The following JAZF1 variants were observed in gnomAD, a reference collection of about 807,000 sequenced individuals.
The protein encoded by JAZF1 is JAZF zinc finger 1.
JAZF1 carries 8 observed loss-of-function variants against 26.4 expected under a neutral mutation model. The observed-to-expected ratio is 0.30, with a 90% confidence interval of 0.18 to 0.55. JAZF1 has a LOEUF of 0.55. Ranked by LOEUF, JAZF1 falls within the 20% of genes least tolerant of loss-of-function variation. The pLI is 0.94. For missense variants in JAZF1, 199 were observed against 322.0 expected, an observed-to-expected ratio of 0.62 and a Z score of 2.92; for synonymous variants, 126 against 122.3, an observed-to-expected ratio of 1.03 and a Z score of -0.20.
chr7:27,943,908 A>G (rs1380568909), intron 2 of JAZF1, among the ~76,000 whole-genome samples: 1 of 152,214 alleles, frequency 6.6e-6, no homozygotes, highest in African/African-American at 2.4e-5. Context: ...CTGGGAATAA[A>G]GCCTTGTGGG....
intron 2 of JAZF1, among the ~76,000 whole-genome samples, chr7:27,940,417 T>G (rs112499297): frequency 0.026 from 3,927 of 152,186 alleles, 185 homozygotes; most frequent in African/African-American, 0.088. Flanking sequence ...CTCAGTGTAA[T>G]GCATCTTATT....
intron 2 of JAZF1, among the ~76,000 whole-genome samples, chr7:27,926,393 C>T (rs1321903620): frequency 6.6e-6 from 1 of 152,210 alleles, no homozygotes; most frequent in Non-Finnish European, 1.5e-5. Context: ...CATTCAGGTC[C>T]TGGCTCGCAC....
intron 2 of JAZF1, among the ~76,000 whole-genome samples, chr7:27,981,085 A>C (rs1479274781): frequency 1.3e-5 from 2 of 152,202 alleles, no homozygotes; most frequent in Non-Finnish European, 2.9e-5. Flanking sequence ...CCTTCCACTC[A>C]ATCTTTCTCT....
At chr7:27,918,655 T>C (rs1784481283) in intron 2 of JAZF1, among the ~76,000 whole-genome samples, 1 of 152,178 alleles carries the variant, frequency 6.6e-6, no homozygotes, top group Non-Finnish European at 1.5e-5. Flanking sequence ...ATACAGAAAA[T>C]TTGAGAGCAG....
chr7:28,101,018 G>A (rs988634390), intron 1 of JAZF1, among the ~76,000 whole-genome samples: 4 of 152,144 alleles, frequency 2.6e-5, no homozygotes, highest in African/African-American at 9.7e-5. Flanking sequence ...TGTCATCTAA[G>A]CACCTAAAAA....
intron 2 of JAZF1, among the ~76,000 whole-genome samples, chr7:27,928,596 C>A (rs1784634133): frequency 6.6e-6 from 1 of 152,072 alleles, no homozygotes; most frequent in Non-Finnish European, 1.5e-5. Flanking sequence ...GTGCAAGTAC[C>A]CTTCTTAAAC....
intron 3 of JAZF1, among the ~76,000 whole-genome samples, chr7:27,874,333 G>C (rs1277731898): frequency 6.6e-6 from 1 of 152,192 alleles, no homozygotes; most frequent in Non-Finnish European, 1.5e-5. Flanking sequence ...TGGAAAATAA[G>C]TCTGGACAGT....
chr7:27,845,307 G>T (rs776385174), intron 3 of JAZF1, among the ~76,000 whole-genome samples: 1 of 152,180 alleles, frequency 6.6e-6, no homozygotes, highest in Non-Finnish European at 1.5e-5. Flanking sequence ...AGCAAGCTCT[G>T]CTGGGGAACT....
At chr7:28,015,757 G>A (rs898877407) in intron 1 of JAZF1, among the ~76,000 whole-genome samples, 6 of 152,142 alleles carry the variant, frequency 3.9e-5, no homozygotes, top group South Asian at 2.1e-4. Context: ...ACACACCCTC[G>A]TCCCAGCAGA....
intron 3 of JAZF1, among the ~76,000 whole-genome samples, chr7:27,866,787 G>A (rs1046220714): frequency 1.3e-5 from 2 of 152,232 alleles, no homozygotes; most frequent in African/African-American, 4.8e-5. Flanking sequence ...AACATAATGT[G>A]CTGATTTAGG....
chr7:27,892,303 C>A (rs577083011), intron 3 of JAZF1, among the ~76,000 whole-genome samples: 14 of 152,326 alleles, frequency 9.2e-5, no homozygotes, highest in Admixed American at 9.1e-4. Context: ...AATGATACAT[C>A]TTTACCACAA....
At chr7:27,856,413 G>C (rs984366336) in intron 3 of JAZF1, among the ~76,000 whole-genome samples, 1 of 152,210 alleles carries the variant, frequency 6.6e-6, no homozygotes, top group Non-Finnish European at 1.5e-5. Context: ...TTATTGCAAA[G>C]AGCGAAAGAA....
At chr7:27,955,883 C>T (rs1785080437) in intron 2 of JAZF1, among the ~76,000 whole-genome samples, 1 of 152,202 alleles carries the variant, frequency 6.6e-6, no homozygotes, top group Non-Finnish European at 1.5e-5. Context: ...TGAATCTGCA[C>T]TGTGAGTCTT....
At chr7:27,953,425 A>C (rs1034563300) in intron 2 of JAZF1, among the ~76,000 whole-genome samples, 10 of 152,272 alleles carry the variant, frequency 6.6e-5, no homozygotes, top group African/African-American at 2.2e-4. Context: ...AATGTGCCAT[A>C]TTAGTTACCA....
intron 3 of JAZF1, among the ~76,000 whole-genome samples, chr7:27,881,589 A>G (rs1023471517): frequency 6.6e-6 from 1 of 152,182 alleles, no homozygotes; most frequent in Non-Finnish European, 1.5e-5. Flanking sequence ...TTAGAAAGTA[A>G]CCATTTAAAA....
intron 3 of JAZF1, among the ~76,000 whole-genome samples, chr7:27,860,827 G>C (rs1783366786): frequency 6.6e-6 from 1 of 151,922 alleles, no homozygotes; most frequent in Admixed American, 6.6e-5. Context: ...AAGCCCCCAG[G>C]TATTCTGGTT....
chr7:27,979,930 C>T (rs898628667), intron 2 of JAZF1, among the ~76,000 whole-genome samples: 3 of 152,190 alleles, frequency 2.0e-5, no homozygotes, highest in Non-Finnish European at 2.9e-5. Context: ...CTGGTTACCT[C>T]TCTCATAGAG....
intron 1 of JAZF1, among the ~76,000 whole-genome samples, chr7:28,104,224 C>T (rs1784517946): frequency 6.6e-6 from 1 of 152,218 alleles, no homozygotes; most frequent in South Asian, 2.1e-4. Context: ...CCCACACTCC[C>T]CCTCTCCACT....
At chr7:27,932,677 C>T (rs1784703409) in intron 2 of JAZF1, among the ~76,000 whole-genome samples, 1 of 152,144 alleles carries the variant, frequency 6.6e-6, no homozygotes, top group South Asian at 2.1e-4. Flanking sequence ...TAAACCGAGA[C>T]TGAAGACAAA....
Sources: gnomAD v4.1 joint callset for allele counts (sites outside exome capture counted in the v4.1 genomes callset) on GRCh38, gnomAD v4.1.1 for gene constraint, MANE v1.5 for transcripts, NCBI Gene and HGNC (gene_info 2026-07-23, HGNC 2026-07-21) for gene names.